The following ADAMTSL1 variants were observed in gnomAD, a reference collection of about 807,000 sequenced individuals.
ADAMTSL1 encodes the protein ADAMTS like 1.
In ADAMTSL1, 126 loss-of-function variants were observed where a neutral mutation model predicts 201.8. The ratio of observed to expected loss-of-function variants is 0.62; its 90% CI spans 0.54 to 0.72. The LOEUF is 0.72. ADAMTSL1 is among the 30% of genes least tolerant of loss of function. The probability of loss-of-function intolerance (pLI) is 0.00; values close to 1 mark genes in which losing one functional copy is unlikely to be tolerated. For missense variants in ADAMTSL1, 2,679 were observed against 2,277.8 expected, an observed-to-expected ratio of 1.18 and a Z score of -3.59; for synonymous variants, 1,121 against 903.4, an observed-to-expected ratio of 1.24 and a Z score of -4.32.
chr9:18,026,555 G>A (rs898946955), intron 1 of ADAMTSL1, among the ~76,000 whole-genome samples: 2 of 151,832 alleles, frequency 1.3e-5, no homozygotes, highest in Admixed American at 6.6e-5. Context: ...CAGGAATAAA[G>A]CTATTTAATA....
intron 11 of ADAMTSL1, 113 bp downstream of exon 11, chr9:18,680,629 G>C: frequency 8.5e-7 from 1 of 1,177,732 alleles, no homozygotes; most frequent in Non-Finnish European, 1.2e-6. Context: ...GAGGTGTCTA[G>C]AAGCCTACCA....
intron 23 of ADAMTSL1, among the ~76,000 whole-genome samples, chr9:18,839,229 T>A (rs1450104857): frequency 7.8e-6 from 1 of 128,068 alleles, no homozygotes; most frequent in Non-Finnish European, 1.6e-5. Flanking sequence ...TTCCCCTTCC[T>A]GTGTACATGT....
intron 1 of ADAMTSL1, among the ~76,000 whole-genome samples, chr9:17,938,463 C>A (rs553849922): frequency 2.6e-5 from 4 of 152,132 alleles, no homozygotes; most frequent in Non-Finnish European, 5.9e-5. Flanking sequence ...GCCAAGGGTG[C>A]GATGTCATCT....
intron 1 of ADAMTSL1, among the ~76,000 whole-genome samples, chr9:18,099,347 ATATATATATTTTT>A (rs1403343178): frequency 6.3e-5 from 3 of 47,338 alleles, no homozygotes; most frequent in South Asian, 5.2e-4. Context: ...ATATATATAT[ATATATATATTTTT>A]TTTTTTTTTT....
rs1232191961 is a variant in ADAMTSL1, at chr9:18,721,653, C to A, written c.1994C>A (p.Pro665His). 2 of 1,613,770 alleles carry A rather than the reference C, an allele frequency of 1.2e-6. No individual in the cohort carries two copies. The highest frequency in any genetic ancestry group is 1.7e-5 in the Admixed American group (1 of 59,994). ...CTCCTGAAGTCCTGCAATTTGGATC[C>A]CTGCCCAGCAAGGTAAGGGATGTGT... ...PQLLKSCNLDPCPARWEIGKW... is the reference protein window; with the variant it reads ...PQLLKSCNLDHCPARWEIGKW... The change falls in exon 15 of 29, where the codon CCC (proline) becomes CAC (histidine). Residue 665 changes from proline (P) to histidine (H), a missense_variant. Transcript: ENST00000380548.
rs150545436 is a variant in ADAMTSL1 at position 18,566,071 on chromosome 9, C to T, written c.238-7959C>T. On this transcript the variant is annotated intron_variant, in intron 3 of 28. Coordinates refer to ENST00000380548, the MANE Select transcript of ADAMTSL1 (RefSeq NM_001040272.6). ...AAATATCAGTCTGCCTATTCAGAAACTAGGCAAGACTCCCTAACCAACTTT... is the reference window on the plus strand; with the variant it reads ...AAATATCAGTCTGCCTATTCAGAAATTAGGCAAGACTCCCTAACCAACTTT... 9.3e-4 allele frequency among the ~76,000 whole-genome samples: 141 copies of T among 152,250 alleles called. 3 individuals are homozygous for T. In the East Asian group the frequency reaches 0.026, roughly 28 times the overall value.
At chr9:18,444,296 A>G (rs528189742) in intron 2 of ADAMTSL1, among the ~76,000 whole-genome samples, 2 of 152,190 alleles carry the variant, frequency 1.3e-5, no homozygotes, top group Non-Finnish European at 2.9e-5. Flanking sequence ...TAATCCTCAC[A>G]TTGATCTTTT....
intron 23 of ADAMTSL1, among the ~76,000 whole-genome samples, chr9:18,882,663 G>T (rs748309238): frequency 6.6e-6 from 1 of 152,106 alleles, no homozygotes. Flanking sequence ...GCCGCCAGGA[G>T]CTTGTGGTGA....
intron 13 of ADAMTSL1, among the ~76,000 whole-genome samples, chr9:18,695,190 C>A (rs375513660): frequency 1.3e-5 from 2 of 152,216 alleles, no homozygotes; most frequent in Non-Finnish European, 2.9e-5. Context: ...GGAGGGACTG[C>A]CACAGCTCTG....
chr9:18,457,750 G>A (rs184106817), intron 2 of ADAMTSL1, among the ~76,000 whole-genome samples: 1 of 152,304 alleles, frequency 6.6e-6, no homozygotes, highest in East Asian at 1.9e-4. Context: ...GAGGAGGAAA[G>A]AGGAGTTAGA....
intron 3 of ADAMTSL1, among the ~76,000 whole-genome samples, chr9:18,536,683 C>A (rs776246429): frequency 6.6e-6 from 1 of 152,124 alleles, no homozygotes; most frequent in Non-Finnish European, 1.5e-5. Context: ...TCTAAGGAAG[C>A]AGCAAGGTGC....
At chr9:18,666,551 T>C (rs910507976) in intron 9 of ADAMTSL1, among the ~76,000 whole-genome samples, 4 of 152,180 alleles carry the variant, frequency 2.6e-5, no homozygotes, top group African/African-American at 9.7e-5. Flanking sequence ...TCTGTATGCT[T>C]TCCCATGTGA....
intron 14 of ADAMTSL1, among the ~76,000 whole-genome samples, chr9:18,712,703 A>G (rs1832688515): frequency 6.6e-6 from 1 of 151,836 alleles, no homozygotes; most frequent in Non-Finnish European, 1.5e-5. Flanking sequence ...GAACTTCCCC[A>G]ATTTAGCAAG....
intron 16 of ADAMTSL1, among the ~76,000 whole-genome samples, chr9:18,756,079 ATATATATAT>A (rs1819733984): frequency 3.8e-3 from 13 of 3,432 alleles, no homozygotes; most frequent in Non-Finnish European, 8.0e-3. Flanking sequence ...TACTGAAAAT[ATATATATAT>A]ATATATATAT....
At chr9:17,926,346 A>G (rs1826527693) in intron 1 of ADAMTSL1, among the ~76,000 whole-genome samples, 1 of 152,194 alleles carries the variant, frequency 6.6e-6, no homozygotes, top group Admixed American at 6.5e-5. Flanking sequence ...GTAATAGCAA[A>G]TAACCCCCAA....
chr9:18,672,433 A>G (rs1829880944), intron 9 of ADAMTSL1, among the ~76,000 whole-genome samples: 1 of 152,222 alleles, frequency 6.6e-6, no homozygotes. Context: ...AAAACATTTA[A>G]AAAGAAAGCA....
chr9:18,703,238 C>G (rs1832028818), intron 13 of ADAMTSL1, among the ~76,000 whole-genome samples: 2 of 152,118 alleles, frequency 1.3e-5, no homozygotes, highest in African/African-American at 4.8e-5. Context: ...TAGAATTAAA[C>G]CTCCTAACTC....
At chr9:18,354,575 A>C (rs1836124216) in intron 2 of ADAMTSL1, among the ~76,000 whole-genome samples, 1 of 152,188 alleles carries the variant, frequency 6.6e-6, no homozygotes, top group African/African-American at 2.4e-5. Context: ...TTGAAGAGGA[A>C]TCTGGAAGGT....
At chr9:18,506,189 G>C (rs1254776402) in intron 2 of ADAMTSL1, among the ~76,000 whole-genome samples, 1 of 152,216 alleles carries the variant, frequency 6.6e-6, no homozygotes, top group African/African-American at 2.4e-5. Flanking sequence ...AGAACCTTGA[G>C]CTGATAAGAA....
Sources: allele counts gnomAD v4.1 joint callset (sites outside exome capture counted in the v4.1 genomes callset), GRCh38; gene constraint gnomAD v4.1.1; transcripts MANE v1.5; gene names NCBI Gene and HGNC (gene_info 2026-07-23, HGNC 2026-07-21).